Variants in MAP2K5 observed in about 807,000 individuals in gnomAD.
MAP2K5 encodes the protein mitogen-activated protein kinase kinase 5, also known as dual specificity mitogen-activated protein kinase kinase 5.
MAP2K5 carries 49 observed loss-of-function variants against 83.1 expected under a neutral mutation model. The observed-to-expected ratio is 0.59, with a 90% CI of 0.47 to 0.75. The LOEUF (loss-of-function observed/expected upper bound fraction) is 0.75. MAP2K5 is among the 30% of genes least tolerant of loss of function. The pLI is 0.00. For missense variants in MAP2K5, 457 were observed against 557.5 expected, an observed-to-expected ratio of 0.82 and a Z score of 1.82; for synonymous variants, 202 against 191.8, an observed-to-expected ratio of 1.05 and a Z score of -0.44.
At chr15:67,547,441 C>T (rs994526063) in intron 1 of MAP2K5, among the ~76,000 whole-genome samples, 12 of 147,310 alleles carry the variant, frequency 8.1e-5, no homozygotes, top group African/African-American at 2.3e-4. Context: ...ATGTAAACTT[C>T]GGTTTTCTTT....
In MAP2K5 at chr15:67,806,741, G is replaced by GC. The variant is rs1300435423; in HGVS notation, c.1343dup (p.Ter449ValfsTer71). The GC allele has an allele frequency of 6.4e-7, 1 of 1,554,354 alleles. No homozygotes were observed. The highest frequency in any genetic ancestry group is 8.7e-7 in the Non-Finnish European group (1 of 1,151,048). On this transcript the variant is annotated frameshift_variant, in exon 22 of 22. Transcript: ENST00000178640. LOFTEE classifies it high-confidence loss of function. ...TGGAGGAGAGGCGGAGCCAGCAGGGGCCCCCGTGAGGCTGCCGCAGGGCAC... is the reference window on the plus strand; with the variant it reads ...TGGAGGAGAGGCGGAGCCAGCAGGGGCCCCCCGTGAGGCTGCCGCAGGGCAC...
Position 67,736,355 on chromosome 15 carries a change from C to T in MAP2K5, c.1074+8410C>T, listed in dbSNP as rs555441199. 9.2e-5 allele frequency among the ~76,000 whole-genome samples: 14 copies of T among 152,308 alleles called. No individual in the cohort carries two copies. Among genetic ancestry groups the T allele is most frequent in the South Asian group, 8.3e-4 (4 of 4,816 alleles). ...TTTATGAATTTGGCTTGGTATATCA[C>T]GGCATTTTCTAGACTGCTGGGGAGG... On this transcript the variant is annotated intron_variant, in intron 17 of 21. Transcript: ENST00000178640. This position sits in a 1 kb window ranked among gnomAD's most constrained non-coding sequence, Gnocchi z 4.3.
At chr15:67,597,212 T>C (rs572451488) in intron 7 of MAP2K5, among the ~76,000 whole-genome samples, 1 of 152,228 alleles carries the variant, frequency 6.6e-6, no homozygotes, top group East Asian at 1.9e-4. Context: ...TTGGTATTGT[T>C]GTTGAATAAA....
chr15:67,663,308 C>T (rs1367241850), intron 12 of MAP2K5, among the ~76,000 whole-genome samples: 1 of 152,176 alleles, frequency 6.6e-6, no homozygotes, highest in Non-Finnish European at 1.5e-5. Flanking sequence ...TCTGGTCCTA[C>T]TCCAGTCTAG....
rs573774575 is a variant in MAP2K5 at position 67,628,483 on chromosome 15, A to T, written c.546-2405A>T. The T allele has an allele frequency of 1.7e-5, 11 of 649,722 alleles. No individual in the cohort carries two copies. The East Asian group carries it at 2.6e-4, about 15-fold the overall frequency. The allele number at this position is 649,722 out of a possible 1,614,324, so 40.2% of individuals were successfully genotyped here. A position where few individuals can be genotyped will look rare whatever the true frequency, so the allele number is the denominator to read the frequency against. ...CGACAGAGCGAGACTCCATCTAAAAAAAAATAAAAATAAAAAATAAAAAAA... is the reference window on the plus strand; with the variant it reads ...CGACAGAGCGAGACTCCATCTAAAATAAAATAAAAATAAAAAATAAAAAAA... On this transcript the variant is annotated intron_variant, in intron 8 of 21. Transcript: ENST00000178640.
Position 67,747,521 on chromosome 15 carries a change from A to C in MAP2K5, c.1075-710A>C, listed in dbSNP as rs2089629743. ...TGTCACGTTTTAGTAGCTTTGTAAG[A>C]AATGCAGTTTATCAGTGTTAAATGT... On this transcript the variant is annotated intron_variant, in intron 17 of 21. Transcript: ENST00000178640. This position sits in a 1 kb window ranked among gnomAD's most constrained non-coding sequence, Gnocchi z 4.1. Among the ~76,000 whole-genome samples the C allele has an allele frequency of 6.6e-6, 1 of 152,226 alleles. No homozygotes were observed. The highest frequency in any genetic ancestry group is 6.5e-5 in the Admixed American group (1 of 15,280).
rs142837062 is a variant in MAP2K5 at position 67,740,293 on chromosome 15, C to T, written c.1075-7938C>T. Among the ~76,000 whole-genome samples, 813 of 152,280 alleles carry T rather than the reference C, an allele frequency of 5.3e-3. 3 individuals are homozygous for T. The highest frequency in any genetic ancestry group is 0.012 in the African/African-American group (487 of 41,550). ...TTATGTAGCCCAAGTTTACTTTTTA[C>T]ATGTTTGCAATCAGAGGGAACCAAG... On this transcript the variant is annotated intron_variant, in intron 17 of 21. Coordinates refer to ENST00000178640, the MANE Select transcript of MAP2K5 (RefSeq NM_145160.3).
At chr15:67,654,096 A>G (rs1224441894) in intron 11 of MAP2K5, among the ~76,000 whole-genome samples, 3 of 152,040 alleles carry the variant, frequency 2.0e-5, no homozygotes, top group African/African-American at 7.2e-5. Flanking sequence ...TCTTCTGTAT[A>G]GTTTTGTCCA....
In MAP2K5 at chr15:67,781,320, T is replaced by G. The variant is rs1430946345; in HGVS notation, c.1242+8568T>G. ...AATATTAGAAAGCTCCTATTTACAG[T>G]TGTGCCAGCTGGATTTGTTTAATGG... is the stretch of plus-strand genomic sequence containing the variant. On this transcript the variant is annotated intron_variant, in intron 21 of 21. Coordinates refer to ENST00000178640, the MANE Select transcript of MAP2K5 (RefSeq NM_145160.3). The surrounding 1 kb of genome is among the most constrained non-coding windows in gnomAD (Gnocchi z 4.0). Among the ~76,000 whole-genome samples the G allele has an allele frequency of 6.6e-6, 1 of 152,206 alleles. No individual in the cohort carries two copies. Among genetic ancestry groups the G allele is most frequent in the Non-Finnish European group, 1.5e-5 (1 of 68,022 alleles).
At chr15:67,580,038 G>A (rs1332642272) in intron 3 of MAP2K5, among the ~76,000 whole-genome samples, 1 of 152,152 alleles carries the variant, frequency 6.6e-6, no homozygotes, top group Non-Finnish European at 1.5e-5. Flanking sequence ...GTGGACATAT[G>A]CTTACAAATT....
At chr15:67,759,134 C>A (rs1315864381) in intron 19 of MAP2K5, among the ~76,000 whole-genome samples, 1 of 152,090 alleles carries the variant, frequency 6.6e-6, no homozygotes, top group East Asian at 1.9e-4. Flanking sequence ...TTAAAAAATT[C>A]ATTCATGTAG....
chr15:67,592,360 G>T (rs1490002610), intron 6 of MAP2K5, among the ~76,000 whole-genome samples: 1 of 152,000 alleles, frequency 6.6e-6, no homozygotes, highest in Admixed American at 6.6e-5. Context: ...TATAAAATTG[G>T]TATTTTCCCC....
At chr15:67,723,276 G>A (rs113799660) in intron 16 of MAP2K5, among the ~76,000 whole-genome samples, 2,658 of 152,014 alleles carry the variant, frequency 0.017, 89 homozygotes, top group African/African-American at 0.061. Flanking sequence ...TCTCTTTCAC[G>A]CACAGGCACA....
Position 67,552,877 on chromosome 15 carries a change from G to A in MAP2K5, c.184+2795G>A, listed in dbSNP as rs1452016656. Among the ~76,000 whole-genome samples the A allele has an allele frequency of 2.6e-5, 4 of 152,174 alleles. No individual in the cohort carries two copies. The highest frequency in any genetic ancestry group is 2.6e-4 in the Admixed American group (4 of 15,274). On this transcript the variant is annotated intron_variant, in intron 2 of 21. Transcript: ENST00000178640. The surrounding 1 kb of genome is among the most constrained non-coding windows in gnomAD (Gnocchi z 4.2). ...TCCAGAGTGTATATTCTCAACCACT[G>A]TACTGGACTTGTTTTGAGAGTTGTC... is the stretch of plus-strand genomic sequence containing the variant.
At chr15:67,680,490 G>C (rs2087792305) in intron 13 of MAP2K5, among the ~76,000 whole-genome samples, 1 of 152,170 alleles carries the variant, frequency 6.6e-6, no homozygotes, top group Admixed American at 6.5e-5. Flanking sequence ...TTGTTAAAGA[G>C]TGACCACATA....
At chr15:67,633,145 A>G (rs540404380) in intron 9 of MAP2K5, among the ~76,000 whole-genome samples, 4 of 152,202 alleles carry the variant, frequency 2.6e-5, no homozygotes, top group Non-Finnish European at 5.9e-5. Context: ...GTTCTCACTG[A>G]GTGTGGCTCT....
At chr15:67,743,323 G>A (rs1039063689) in intron 17 of MAP2K5, among the ~76,000 whole-genome samples, 3 of 152,132 alleles carry the variant, frequency 2.0e-5, no homozygotes, top group African/African-American at 7.2e-5. Flanking sequence ...TAGGTCCTGT[G>A]AAAATATACT....
chr15:67,636,138 C>T lies in MAP2K5; in HGVS notation c.585+5211C>T, dbSNP rs1044040888. Reference sequence around the variant, plus strand: ...TTCTTGAAAGTATGAAATGACCGGGCGCCGTGGCTCATGCCTGTAATCCCA... The same window carrying T: ...TTCTTGAAAGTATGAAATGACCGGGTGCCGTGGCTCATGCCTGTAATCCCA... On this transcript the variant is annotated intron_variant, in intron 9 of 21. Coordinates refer to ENST00000178640, the MANE Select transcript of MAP2K5 (RefSeq NM_145160.3). This position sits in a 1 kb window ranked among gnomAD's most constrained non-coding sequence, Gnocchi z 4.7. 9.9e-5 allele frequency among the ~76,000 whole-genome samples: 15 copies of T among 152,228 alleles called. No individual in the cohort carries two copies. The East Asian group carries it at 1.2e-3, about 12-fold the overall frequency.
chr15:67,777,572 C>G lies in MAP2K5; in HGVS notation c.1242+4820C>G, dbSNP rs570336703. ...TCACATACATATTAAAAACATATAC[C>G]CATTCTATCTGTATGTAAATGCGTG... On this transcript the variant is annotated intron_variant, in intron 21 of 21. Transcript: ENST00000178640. This position sits in a 1 kb window ranked among gnomAD's most constrained non-coding sequence, Gnocchi z 6.0. Among the ~76,000 whole-genome samples, 4 of 152,272 alleles carry G rather than the reference C, an allele frequency of 2.6e-5. No homozygotes were observed. In the South Asian group the frequency reaches 8.3e-4, roughly 32 times the overall value.
Sources: allele counts gnomAD v4.1 joint callset (sites outside exome capture counted in the v4.1 genomes callset), GRCh38; gene constraint gnomAD v4.1.1; non-coding constraint Gnocchi (gnomAD v3.1); transcripts MANE v1.5; gene names NCBI Gene and HGNC (gene_info 2026-07-23, HGNC 2026-07-21).